RABL2B: variants seen among roughly 807,000 people sequenced by gnomAD.
RABL2B encodes RAB, member of RAS oncogene family like 2B.
In RABL2B, 17 loss-of-function variants were observed where a neutral mutation model predicts 26.7. That is an observed-to-expected ratio of 0.64 (90% CI 0.44 to 0.95). The LOEUF (loss-of-function observed/expected upper bound fraction) is 0.95. Among genes scored for constraint, RABL2B ranks in the 40% least tolerant of loss-of-function variants. The pLI is 0.00. For synonymous variants in RABL2B, 70 were observed against 103.9 expected, an observed-to-expected ratio of 0.67 and a Z score of 1.99; for missense variants, 170 against 277.2, an observed-to-expected ratio of 0.61 and a Z score of 2.75.
intron 5 of RABL2B, chr22:50,773,103 G>A (rs1555920179): frequency 7.9e-7 from 1 of 1,264,204 alleles, no homozygotes; most frequent in Admixed American, 2.3e-5. Flanking sequence ...GATGCAGGAA[G>A]CAGTCACTCC....
chr22:50,769,358 T>C lies in RABL2B; in HGVS notation c.507+97A>G. On this transcript the variant is annotated intron_variant, in intron 7 of 8. Transcript: ENST00000691320. The stretch of plus-strand genomic sequence containing the variant: ...CACCCATGCCCATGCACTGTCCCGG[T>C]TCTCTCCATCACACCTGCAGTAAGC... 3 of 1,612,430 alleles carry C rather than the reference T, an allele frequency of 1.9e-6. No individual in the cohort carries two copies. The Admixed American group carries it at 5.0e-5, about 27-fold the overall frequency.
rs557145071 is a variant in RABL2B at position 50,775,857 on chromosome 22, A to G, written c.218-6T>C. 1.7e-5 allele frequency: 28 copies of G among 1,614,110 alleles called. No individual in the cohort carries two copies. In the Admixed American group the frequency reaches 2.0e-4, roughly 12 times the overall value. On this transcript the variant is annotated splice_region_variant and splice_polypyrimidine_tract_variant and intron_variant, in intron 4 of 8. Transcript: ENST00000691320. The stretch of plus-strand genomic sequence containing the variant: ...GCCTGCCGTGTCCCAAAAGTCTGCA[A>G]TGTGAACACAGACAGACCTACATGC...
chr22:50,778,290 G>A (rs2085294804), intron 2 of RABL2B, among the ~76,000 whole-genome samples: 2 of 150,550 alleles, frequency 1.3e-5, no homozygotes, highest in East Asian at 1.9e-4. Flanking sequence ...GGAAACAGAG[G>A]CCAGGCCAAA....
chr22:50,779,190 C>T (rs1332308373), intron 2 of RABL2B, among the ~76,000 whole-genome samples: 6 of 151,152 alleles, frequency 4.0e-5, no homozygotes, highest in African/African-American at 1.2e-4. Context: ...GGAAAAGTTG[C>T]CTCTGGAAGA....
Position 50,768,745 on chromosome 22 carries a change from A to C in RABL2B, c.*31T>G, listed in dbSNP as rs1555915702. On this transcript the variant is annotated 3_prime_UTR_variant, in exon 9 of 9. Coordinates refer to ENST00000691320, the MANE Select transcript of RABL2B (RefSeq NM_001130919.3). Reference sequence around the variant, plus strand: ...GTTGTTGAAGGGAAGGGTATTTTAAAAGGGCTCCACCCACCCCTAGCCCCA... The same window carrying C: ...GTTGTTGAAGGGAAGGGTATTTTAACAGGGCTCCACCCACCCCTAGCCCCA... 3.1e-6 allele frequency: 5 copies of C among 1,609,650 alleles called. No homozygotes were observed. Among genetic ancestry groups the C allele is most frequent in the Non-Finnish European group, 4.2e-6 (5 of 1,178,648 alleles).
At chr22:50,770,119 T>C in intron 5 of RABL2B, 103 bp from the exon 6 acceptor site, 2 of 1,582,822 alleles carry the variant, frequency 1.3e-6, no homozygotes, top group Non-Finnish European at 1.7e-6. Context: ...GAGCACATGG[T>C]GCTGTTTGTG....
intron 2 of RABL2B, among the ~76,000 whole-genome samples, chr22:50,779,683 C>T (rs1162090496): frequency 6.6e-6 from 1 of 152,146 alleles, no homozygotes; most frequent in Non-Finnish European, 1.5e-5. Flanking sequence ...AAGATGGAAT[C>T]AGAAAGCCAC....
chr22:50,770,093 C>T, intron 5 of RABL2B, 77 bp from the exon 6 acceptor site: 2 of 1,600,302 alleles, frequency 1.2e-6, no homozygotes, highest in Non-Finnish European at 1.7e-6. Context: ...ACTCACACAC[C>T]CAAGCAGGTA....
chr22:50,773,721 CAG>C (rs1300025733), intron 5 of RABL2B, among the ~76,000 whole-genome samples: 1 of 151,368 alleles, frequency 6.6e-6, no homozygotes, highest in African/African-American at 2.4e-5. Flanking sequence ...ATGAGCAGAA[CAG>C]AGCAGCTCCT....
Position 50,775,759 on chromosome 22 carries a change from C to G in RABL2B, c.297+13G>C. The G allele has an allele frequency of 1.2e-6, 2 of 1,614,070 alleles. No individual in the cohort carries two copies. The highest frequency in any genetic ancestry group is 2.2e-5 in the South Asian group (2 of 91,074). ...TGCCCAGTGCCTTTGTCCACCTCCC[C>G]ACCGTCTCGTACCATGATGCAGGCG... is the stretch of plus-strand genomic sequence containing the variant. On this transcript the variant is annotated intron_variant, in intron 5 of 8. Transcript: ENST00000691320.
intron 5 of RABL2B, chr22:50,771,176 G>T (rs530585843): frequency 5.9e-5 from 9 of 152,122 alleles, no homozygotes; most frequent in African/African-American, 2.2e-4. Context: ...CTCAGTAGCT[G>T]GGACTACAGG....
intron 2 of RABL2B, 114 bp downstream of exon 2, chr22:50,782,074 A>C: frequency 7.2e-7 from 1 of 1,398,144 alleles, no homozygotes. Flanking sequence ...GGCTCCAGCC[A>C]AGACTGCTCC....
Position 50,776,740 on chromosome 22 carries a change from C to T in RABL2B, c.147G>A (p.Gln49=). 1 of 1,608,756 alleles carries T rather than the reference C, an allele frequency of 6.2e-7. No homozygotes were observed. Residue 49 remains glutamine, a synonymous_variant, in exon 4 of 9, where the codon CAG becomes CAA. Coordinates refer to ENST00000691320, the MANE Select transcript of RABL2B (RefSeq NM_001130919.3). ...GGGTCAGGGCGTACGTGGACAGCTG[C>T]TGTGGCTGACTGCACTCAGGTTAAG... is the stretch of plus-strand genomic sequence containing the variant. ...ERFLMDGFQP[Q]QLSTYALTLY...
chr22:50,776,952 A>T lies in RABL2B; in HGVS notation c.138-203T>A, dbSNP rs114510319. Among the ~76,000 whole-genome samples the T allele has an allele frequency of 3.0e-3, 462 of 152,320 alleles. 6 individuals are homozygous for T. The highest frequency in any genetic ancestry group is 0.011 in the African/African-American group (449 of 41,570). ...ACTCCATGGAAGGGTGAGGGGTGGG[A>T]GGAGATGGGAGTGTGTCCTGGCCAT... On this transcript the variant is annotated intron_variant, in intron 3 of 8. Coordinates refer to ENST00000691320, the MANE Select transcript of RABL2B (RefSeq NM_001130919.3).
chr22:50,780,974 C>G (rs1285683776), intron 2 of RABL2B, among the ~76,000 whole-genome samples: 6 of 152,082 alleles, frequency 3.9e-5, no homozygotes, highest in Non-Finnish European at 8.8e-5. Flanking sequence ...GGGTAACCTT[C>G]CCAAACTACA....
In RABL2B at chr22:50,767,800, T is replaced by C. The variant is rs1368733705; in HGVS notation, c.*976A>G. ...AAATGGACGTACCTTGTGGTATGGC[T>C]GTAAGGACTCGATTTTACGGCTTGT... On this transcript the variant is annotated 3_prime_UTR_variant, in exon 9 of 9. Coordinates refer to ENST00000691320, the MANE Select transcript of RABL2B (RefSeq NM_001130919.3). 2.2e-6 allele frequency: 1 copy of C among 450,752 alleles called. No individual in the cohort carries two copies. The highest frequency in any genetic ancestry group is 2.4e-5 in the Admixed American group (1 of 41,214). The allele number at this position is 450,752 out of a possible 1,614,324, so 27.9% of individuals were successfully genotyped here.
intron 3 of RABL2B, chr22:50,777,693 A>G (rs2085198322): frequency 1.7e-6 from 1 of 583,448 alleles, no homozygotes; most frequent in African/African-American, 1.9e-5. Flanking sequence ...TTAGATCCAA[A>G]CCATTTGCTG....
At chr22:50,775,663 C>T in intron 5 of RABL2B, 109 bp downstream of exon 5, 1 of 1,179,536 alleles carries the variant, frequency 8.5e-7, no homozygotes, top group South Asian at 1.3e-5. Flanking sequence ...CCCTAAGCCC[C>T]CCTCCCACAA....
chr22:50,776,883 G>C (rs1388432078), intron 3 of RABL2B, 134 bp from the exon 4 acceptor site: 2 of 1,458,784 alleles, frequency 1.4e-6, no homozygotes, highest in East Asian at 2.5e-5. Flanking sequence ...TAAATCAAAT[G>C]AATGTTGCAG....
Sources: allele counts gnomAD v4.1 joint callset (sites outside exome capture counted in the v4.1 genomes callset), GRCh38; gene constraint gnomAD v4.1.1; transcripts MANE v1.5; gene names NCBI Gene and HGNC (gene_info 2026-07-23, HGNC 2026-07-21).